The following BST1 variants were observed in gnomAD, a reference collection of about 807,000 sequenced individuals.
The protein encoded by BST1 is bone marrow stromal cell antigen 1, also known as ADP-ribosyl cyclase/cyclic ADP-ribose hydrolase 2.
In BST1, 49 loss-of-function variants were observed where a neutral mutation model predicts 40.6. That is an observed-to-expected ratio of 1.21 (90% CI 0.96 to 1.53). The LOEUF is 1.53. Among genes scored for constraint, BST1 ranks in the 40% most tolerant of loss-of-function variants. The pLI is 0.00. For missense variants in BST1, 423 were observed against 395.9 expected (o/e 1.07, Z -0.58); for synonymous variants, 157 against 159.3 (o/e 0.99, Z 0.11).
chr4:15,721,485 G>A (rs1720806991), intron 7 of BST1, among the ~76,000 whole-genome samples: 1 of 152,142 alleles, frequency 6.6e-6, no homozygotes, highest in South Asian at 2.1e-4. Context: ...CCATAAAAAG[G>A]ATGAGTTCAT....
intron 7 of BST1, among the ~76,000 whole-genome samples, chr4:15,720,350 G>A (rs1377849256): frequency 6.6e-6 from 1 of 152,110 alleles, no homozygotes; most frequent in East Asian, 1.9e-4. Context: ...CGAGTGCAGT[G>A]GCTCATACCT....
intron 8 of BST1, among the ~76,000 whole-genome samples, chr4:15,725,977 C>T (rs772667548): frequency 6.5e-5 from 5 of 76,976 alleles, no homozygotes; most frequent in South Asian, 1.1e-3. Flanking sequence ...TTTTTTGAGA[C>T]GAGGTCTCTC....
chr4:15,744,364 AG>A, the BST1 span, among the ~76,000 whole-genome samples: 9 of 152,150 alleles, frequency 5.9e-5, no homozygotes, highest in Non-Finnish European at 1.3e-4. Flanking sequence ...AGGGGAAGCA[AG>A]GCACCTTCTT....
downstream of BST1, among the ~76,000 whole-genome samples, chr4:15,741,807 A>G (rs1215685506): frequency 6.6e-6 from 1 of 152,230 alleles, no homozygotes; most frequent in Non-Finnish European, 1.5e-5. Context: ...CAGAGGTTGC[A>G]TGGCCCGCAA....
chr4:15,725,945 G>GTT (rs1172893247), intron 8 of BST1, among the ~76,000 whole-genome samples: 3 of 114,432 alleles, frequency 2.6e-5, no homozygotes, highest in Non-Finnish European at 3.7e-5. Context: ...GTGAAGTGCG[G>GTT]TCTTTTTTTT....
intron 6 of BST1, 109 bp from the exon 7 acceptor site, chr4:15,718,798 T>C (rs1412386501): frequency 4.6e-6 from 4 of 864,124 alleles, no homozygotes; most frequent in Non-Finnish European, 7.0e-6. Flanking sequence ...TTTCTGAGAG[T>C]AGAATATCCA....
At chr4:15,768,685 A>G in the BST1 span, among the ~76,000 whole-genome samples, 7 of 151,258 alleles carry the variant, frequency 4.6e-5, no homozygotes, top group African/African-American at 1.2e-4. Context: ...TTTAGTAGAG[A>G]TGGGGTTTCA....
downstream of BST1, among the ~76,000 whole-genome samples, chr4:15,737,603 A>G (rs547376647): frequency 6.6e-6 from 1 of 151,492 alleles, no homozygotes; most frequent in African/African-American, 2.5e-5. Context: ...GTGAATGAAC[A>G]ATGCTAAGCA....
At chr4:15,733,701 T>A (rs898231197), downstream of BST1, among the ~76,000 whole-genome samples, 9 of 152,124 alleles carry the variant, frequency 5.9e-5, no homozygotes, top group African/African-American at 2.2e-4. Context: ...AGGTGCTACA[T>A]GCTTTCAAAC....
intron 8 of BST1, among the ~76,000 whole-genome samples, chr4:15,724,170 G>A (rs944124270): frequency 1.6e-4 from 24 of 152,132 alleles, no homozygotes; most frequent in Non-Finnish European, 2.4e-4. Flanking sequence ...CCCTGCTATC[G>A]TTCATTCTGT....
At chr4:15,740,114 C>T (rs1036650584), downstream of BST1, among the ~76,000 whole-genome samples, 7 of 152,288 alleles carry the variant, frequency 4.6e-5, no homozygotes, top group East Asian at 1.2e-3. Flanking sequence ...AGTGCAGTGG[C>T]ACCGTCTCGT....
chr4:15,718,542 T>A (rs141809178), intron 6 of BST1, among the ~76,000 whole-genome samples: 1 of 152,226 alleles, frequency 6.6e-6, no homozygotes, highest in Non-Finnish European at 1.5e-5. Context: ...TATACTGTAG[T>A]GTAGGGTGAA....
At chr4:15,727,604 CAT>C (rs886152943) in intron 8 of BST1, among the ~76,000 whole-genome samples, 11 of 152,160 alleles carry the variant, frequency 7.2e-5, no homozygotes, top group Non-Finnish European at 4.4e-5. Flanking sequence ...TACATTAAAA[CAT>C]AGCAGAAAAA....
the BST1 span, among the ~76,000 whole-genome samples, chr4:15,756,847 A>G: frequency 1.3e-5 from 2 of 152,194 alleles, no homozygotes; most frequent in Non-Finnish European, 2.9e-5. Context: ...CTCAAAACAT[A>G]CTGTGGGAGA....
At chr4:15,752,045 A>G in the BST1 span, among the ~76,000 whole-genome samples, 2 of 152,208 alleles carry the variant, frequency 1.3e-5, no homozygotes, top group Admixed American at 1.3e-4. Context: ...AGATTAAAAA[A>G]CTTTGACAAG....
chr4:15,767,266 G>A, the BST1 span, among the ~76,000 whole-genome samples: 1 of 151,988 alleles, frequency 6.6e-6, no homozygotes, highest in African/African-American at 2.4e-5. Flanking sequence ...TGAAAATTGT[G>A]TACTTCTGGT....
exon 7 of BST1, chr4:15,737,823 G>T (rs1317482626): frequency 7.8e-7 from 1 of 1,286,092 alleles, no homozygotes; most frequent in Admixed American, 2.3e-5. Flanking sequence ...GATACTGACT[G>T]TCAGAGAGTC....
chr4:15,746,113 C>T, the BST1 span, among the ~76,000 whole-genome samples: 8 of 152,202 alleles, frequency 5.3e-5, no homozygotes, highest in Non-Finnish European at 1.0e-4. Flanking sequence ...TATACCTAGA[C>T]TCAAAGGCTG....
At chr4:15,718,525 A>C (rs868559948) in intron 6 of BST1, among the ~76,000 whole-genome samples, 6 of 152,242 alleles carry the variant, frequency 3.9e-5, no homozygotes, top group African/African-American at 1.2e-4. Context: ...TTAAAACTTC[A>C]AATGAATATA....
Sources: gnomAD v4.1 joint callset for allele counts (sites outside exome capture counted in the v4.1 genomes callset) on GRCh38, gnomAD v4.1.1 for gene constraint, MANE v1.5 for transcripts, NCBI Gene and HGNC (gene_info 2026-07-23, HGNC 2026-07-21) for gene names.